Variants in CSNK1D observed in about 807,000 individuals in gnomAD.
CSNK1D encodes casein kinase I isoform delta.
Under a neutral mutation model 46.6 loss-of-function variants are expected in CSNK1D, and 16 were observed. The observed-to-expected ratio is 0.34, with a 90% CI of 0.23 to 0.52. The LOEUF (loss-of-function observed/expected upper bound fraction) is 0.52. Among genes scored for constraint, CSNK1D ranks in the 20% least tolerant of loss-of-function variants. The probability of loss-of-function intolerance (pLI) is 0.95; values close to 1 mark genes in which losing one functional copy is unlikely to be tolerated. For missense variants in CSNK1D, 398 were observed against 578.4 expected, an observed-to-expected ratio of 0.69 and a Z score of 3.20; for synonymous variants, 276 against 228.2, an observed-to-expected ratio of 1.21 and a Z score of -1.89.
rs2050766465 is a variant in CSNK1D at position 82,243,009 on chromosome 17, CA to C, written c.*1771del. ...TCTCCGGGTGGGGGACGTCTACCTTCAAGAAGGGGTCCAGCAACAAAGAAAA... is the reference window on the plus strand; with the variant it reads ...TCTCCGGGTGGGGGACGTCTACCTTCAGAAGGGGTCCAGCAACAAAGAAAA... On this transcript the variant is annotated 3_prime_UTR_variant, in exon 9 of 9. Transcript: ENST00000314028. 1.0e-6 allele frequency: 1 copy of C among 985,464 alleles called. No individual in the cohort carries two copies. The highest frequency in any genetic ancestry group is 1.2e-6 in the Non-Finnish European group (1 of 829,944). The allele number at this position is 985,464 out of a possible 1,614,324, so 61.0% of individuals were successfully genotyped here.
In CSNK1D at chr17:82,255,752, C is replaced by T. The variant is rs1340450779; in HGVS notation, c.188-175G>A. ...AGGGACCCATCCTCGAGATTAGGCC[C>T]CATCTATTAGCAAATGGCCTGAGGC... On this transcript the variant is annotated intron_variant, in intron 2 of 8. Transcript: ENST00000314028. The surrounding 1 kb of genome is among the most constrained non-coding windows in gnomAD (Gnocchi z 5.9). Among the ~76,000 whole-genome samples the T allele has an allele frequency of 6.6e-6, 1 of 152,192 alleles. No homozygotes were observed.
rs2051697395 is a variant in CSNK1D, at chr17:82,273,525, G to A, written c.-144C>T. On this transcript the variant is annotated 5_prime_UTR_variant, in exon 1 of 9. Transcript: ENST00000314028. The surrounding 1 kb of genome is among the most constrained non-coding windows in gnomAD (Gnocchi z 5.1). ...GCCCCGCTTTCACCATCGCTTTCCTGTCGCCCCGCCGCTCCCAGCGCCTCA... is the reference window on the plus strand; with the variant it reads ...GCCCCGCTTTCACCATCGCTTTCCTATCGCCCCGCCGCTCCCAGCGCCTCA... The A allele has an allele frequency of 2.0e-6, 2 of 1,004,892 alleles. No homozygotes were observed. Among genetic ancestry groups the A allele is most frequent in the African/African-American group, 3.3e-5 (2 of 60,752 alleles). The allele number at this position is 1,004,892 out of a possible 1,614,324, so 62.2% of individuals were successfully genotyped here. A position where few individuals can be genotyped will look rare whatever the true frequency, so the allele number is the denominator to read the frequency against.
At chr17:82,246,469 T>C (rs142544611) in intron 8 of CSNK1D, 3 of 1,118,922 alleles carry the variant, frequency 2.7e-6, no homozygotes, top group East Asian at 1.3e-4. Flanking sequence ...TCATCGACTG[T>C]TGGAATGACA....
chr17:82,249,110 C>G lies in CSNK1D; in HGVS notation c.1058-96G>C, dbSNP rs545838875. 27 of 1,439,954 alleles carry G rather than the reference C, an allele frequency of 1.9e-5. No individual in the cohort carries two copies. The East Asian group carries it at 6.5e-4, about 34-fold the overall frequency. The allele number at this position is 1,439,954 out of a possible 1,614,324, so 89.2% of individuals were successfully genotyped here. On this transcript the variant is annotated intron_variant, in intron 7 of 8. Transcript: ENST00000314028. This position sits in a 1 kb window ranked among gnomAD's most constrained non-coding sequence, Gnocchi z 6.7. ...GGCTGTGGCCAGAGAGGACCCTGGG[C>G]TGCCTGGACAGTCAGGACCTGGCTG...
rs915196367 is a variant in CSNK1D, at chr17:82,248,710, C to A, written c.1197+165G>T. ...GCCCAGCATGTCTCCCAGGCCCTCC[C>A]GAGAAGCCTCATCTGCAACCAAGAC... is the stretch of plus-strand genomic sequence containing the variant. On this transcript the variant is annotated intron_variant, in intron 8 of 8. Transcript: ENST00000314028. This position sits in a 1 kb window ranked among gnomAD's most constrained non-coding sequence, Gnocchi z 4.1. 6.9e-7 allele frequency: 1 copy of A among 1,455,616 alleles called. No individual in the cohort carries two copies. The highest frequency in any genetic ancestry group is 9.1e-7 in the Non-Finnish European group (1 of 1,104,830). 90.2% of individuals were successfully genotyped at this position (1,455,616 alleles called of 1,614,324 possible). A position where few individuals can be genotyped will look rare whatever the true frequency, so the allele number is the denominator to read the frequency against.
In CSNK1D at chr17:82,249,673, C is replaced by T. The variant is rs2050949568; in HGVS notation, c.886-71G>A. Reference sequence around the variant, plus strand: ...AAAGCAACCCTAGGTCCTAGGCTGCCCCGGCCACGTGAGAAAATACCTACC... The same window carrying T: ...AAAGCAACCCTAGGTCCTAGGCTGCTCCGGCCACGTGAGAAAATACCTACC... On this transcript the variant is annotated intron_variant, in intron 6 of 8. Coordinates refer to ENST00000314028, the MANE Select transcript of CSNK1D (RefSeq NM_001893.6). This position sits in a 1 kb window ranked among gnomAD's most constrained non-coding sequence, Gnocchi z 6.7. 6 of 1,535,008 alleles carry T rather than the reference C, an allele frequency of 3.9e-6. No homozygotes were observed. The highest frequency in any genetic ancestry group is 2.0e-5 in the Admixed American group (1 of 50,968).
chr17:82,252,711 C>G lies in CSNK1D; in HGVS notation c.566-107G>C. ...GAGACTAGCCTCAGACACACATGCCCAGATCACTCCAGCTGGCACTTCCAG... is the reference window on the plus strand; with the variant it reads ...GAGACTAGCCTCAGACACACATGCCGAGATCACTCCAGCTGGCACTTCCAG... On this transcript the variant is annotated intron_variant, in intron 4 of 8. Transcript: ENST00000314028. This position sits in a 1 kb window ranked among gnomAD's most constrained non-coding sequence, Gnocchi z 4.6. 1 of 1,149,296 alleles carries G rather than the reference C, an allele frequency of 8.7e-7. No individual in the cohort carries two copies. Among genetic ancestry groups the G allele is most frequent in the Non-Finnish European group, 1.3e-6 (1 of 792,138 alleles). 71.2% of individuals were successfully genotyped at this position (1,149,296 alleles called of 1,614,324 possible).
In CSNK1D at chr17:82,255,873, G is replaced by A. The variant is rs149005084; in HGVS notation, c.188-296C>T. Among the ~76,000 whole-genome samples the A allele has an allele frequency of 2.5e-3, 385 of 152,322 alleles. 2 individuals are homozygous for A. The highest frequency in any genetic ancestry group is 0.011 in the South Asian group (52 of 4,830). On this transcript the variant is annotated intron_variant, in intron 2 of 8. Coordinates refer to ENST00000314028, the MANE Select transcript of CSNK1D (RefSeq NM_001893.6). The surrounding 1 kb of genome is among the most constrained non-coding windows in gnomAD (Gnocchi z 5.9). ...CCGACTCCCGTCTTCTAGGGCAGGG[G>A]GGCAGGAGACACAGAAAGCAGCCAC...
chr17:82,239,868 C>T, downstream of CSNK1D: 1 of 596,752 alleles, frequency 1.7e-6, no homozygotes, highest in Non-Finnish European at 2.5e-6. Context: ...GTCCTCCATC[C>T]AGCCCGGCCC....
intron 8 of CSNK1D, chr17:82,245,169 C>T (rs562192221): frequency 2.0e-6 from 1 of 507,578 alleles, no homozygotes; most frequent in East Asian, 3.6e-5. Flanking sequence ...GTACCCCTCT[C>T]AGGGAAGACA....
At chr17:82,265,232 G>A (rs928748667) in intron 2 of CSNK1D, 38 of 266,376 alleles carry the variant, frequency 1.4e-4, no homozygotes, top group African/African-American at 8.5e-4. Context: ...AGGCTGGAGT[G>A]CAGTGGCGTG....
Position 82,252,870 on chromosome 17 carries a change from G to A in CSNK1D, c.565+146C>T. ...AGCATCCGCCTGCCCCCATACACCT[G>A]GCAGTCACGAGCCAGCCTGTCTGCC... On this transcript the variant is annotated intron_variant, in intron 4 of 8. Coordinates refer to ENST00000314028, the MANE Select transcript of CSNK1D (RefSeq NM_001893.6). The surrounding 1 kb of genome is among the most constrained non-coding windows in gnomAD (Gnocchi z 4.6). 3 of 807,720 alleles carry A rather than the reference G, an allele frequency of 3.7e-6. No homozygotes were observed. The highest frequency in any genetic ancestry group is 3.2e-4 in the Middle Eastern group (1 of 3,130). The allele number at this position is 807,720 out of a possible 1,614,324, so 50.0% of individuals were successfully genotyped here.
chr17:82,265,194 G>C (rs1017307610), intron 2 of CSNK1D: 70 of 186,834 alleles, frequency 3.7e-4, no homozygotes, highest in African/African-American at 1.7e-3. Context: ...TTTTTTTTTG[G>C]GGGGGACAGG....
chr17:82,251,880 G>GCTA lies in CSNK1D; in HGVS notation c.737-356_737-354dup, dbSNP rs1856504244. 5.8e-6 allele frequency: 2 copies of GCTA among 346,672 alleles called. No individual in the cohort carries two copies. Among genetic ancestry groups the GCTA allele is most frequent in the Non-Finnish European group, 1.1e-5 (2 of 181,708 alleles). 21.5% of individuals were successfully genotyped at this position (346,672 alleles called of 1,614,324 possible). On this transcript the variant is annotated intron_variant, in intron 5 of 8. Coordinates refer to ENST00000314028, the MANE Select transcript of CSNK1D (RefSeq NM_001893.6). This position sits in a 1 kb window ranked among gnomAD's most constrained non-coding sequence, Gnocchi z 4.5. ...GTGGTGGCGGGCGCCTGTAGTCCCAGCTACCGGGGAGGCTGACGCAGGAGA... is the reference window on the plus strand; with the variant it reads ...GTGGTGGCGGGCGCCTGTAGTCCCAGCTACTACCGGGGAGGCTGACGCAGGAGA...
chr17:82,242,121 C>T (rs879516768), downstream of CSNK1D, among the ~76,000 whole-genome samples: 11 of 151,402 alleles, frequency 7.3e-5, no homozygotes, highest in South Asian at 8.3e-4. Flanking sequence ...CACCCACACA[C>T]GAGCACAGGT....
rs896397135 is a variant in CSNK1D, at chr17:82,255,311, A to AGC, written c.336+116_336+117dup. On this transcript the variant is annotated intron_variant, in intron 3 of 8. Transcript: ENST00000314028. The surrounding 1 kb of genome is among the most constrained non-coding windows in gnomAD (Gnocchi z 5.9). ...CACTGCAGCCTCAAGGCTGAGGCTC[A>AGC]GCAAATTTCCATTTCCTCTGTGAAT... 1.6e-6 allele frequency: 2 copies of AGC among 1,288,160 alleles called. No homozygotes were observed. Among genetic ancestry groups the AGC allele is most frequent in the Non-Finnish European group, 1.1e-6 (1 of 892,712 alleles). The allele number at this position is 1,288,160 out of a possible 1,614,324, so 79.8% of individuals were successfully genotyped here. A position where few individuals can be genotyped will look rare whatever the true frequency, so the allele number is the denominator to read the frequency against.
chr17:82,258,258 A>C (rs2051233252), intron 2 of CSNK1D, among the ~76,000 whole-genome samples: 1 of 150,634 alleles, frequency 6.6e-6, no homozygotes, highest in African/African-American at 2.4e-5. Context: ...ATATATGTGT[A>C]TTTATGTTTC....
downstream of CSNK1D, among the ~76,000 whole-genome samples, chr17:82,242,437 T>C (rs1277160415): frequency 1.3e-5 from 2 of 152,150 alleles, no homozygotes; most frequent in Non-Finnish European, 2.9e-5. Flanking sequence ...CGTGGACTTC[T>C]GTGTGCACAA....
intron 1 of CSNK1D, among the ~76,000 whole-genome samples, chr17:82,270,403 A>G (rs1050713056): frequency 6.6e-6 from 1 of 152,156 alleles, no homozygotes; most frequent in Non-Finnish European, 1.5e-5. Flanking sequence ...CAAGAACCCA[A>G]AAGCCAAGCT....
Sources: gnomAD v4.1 joint callset for allele counts (sites outside exome capture counted in the v4.1 genomes callset) on GRCh38, gnomAD v4.1.1 for gene constraint, Gnocchi (gnomAD v3.1) non-coding constraint, MANE v1.5 for transcripts, NCBI Gene and HGNC (gene_info 2026-07-23, HGNC 2026-07-21) for gene names.